The following NCOA6 variants were observed in gnomAD, a reference collection of about 807,000 sequenced individuals.
NCOA6 encodes the protein NRC RAP250.
Under a neutral mutation model 171.4 loss-of-function variants are expected in NCOA6, and 49 were observed. The observed-to-expected ratio is 0.29, with a 90% CI of 0.23 to 0.36. The LOEUF (loss-of-function observed/expected upper bound fraction) is 0.36, where lower values mean the gene tolerates loss of function less well. Among genes scored for constraint, NCOA6 ranks in the 10% least tolerant of loss-of-function variants. The pLI, the probability that NCOA6 is intolerant of heterozygous loss-of-function variation, is 1.00. For synonymous variants in NCOA6, 910 were observed against 927.5 expected (o/e 0.98, Z 0.34); for missense variants, 2,248 against 2,554.5 (o/e 0.88, Z 2.59).
chr20:34,719,600 C>T (rs925541733), intron 14 of NCOA6, among the ~76,000 whole-genome samples: 2 of 150,030 alleles, frequency 1.3e-5, no homozygotes, highest in African/African-American at 4.9e-5. Context: ...CACTGCACTC[C>T]AGCCTGGGCG....
intron 1 of NCOA6, among the ~76,000 whole-genome samples, chr20:34,815,832 T>C (rs931686367): frequency 3.9e-5 from 6 of 152,214 alleles, no homozygotes; most frequent in African/African-American, 9.6e-5. Flanking sequence ...TGTGTTGTCA[T>C]TGACCATCTG....
In NCOA6 at chr20:34,757,406, G is replaced by C; in HGVS notation, c.1342C>G (p.Gln448Glu). ...CTTGGTCCCATCTGCTGCTGAGTTT[G>C]GTTAACCGTTGGGGAGGATGCAGGG... is the stretch of plus-strand genomic sequence containing the variant. ...GSPASSPTVNQTQQQMGPRPP... is the reference protein window; with the variant it reads ...GSPASSPTVNETQQQMGPRPP... The change falls in exon 7 of 15, where the codon CAA (glutamine) becomes GAA (glutamate). Residue 448 changes from glutamine (Q) to glutamate (E), a missense_variant. Gln to Glu is a conservative substitution (Grantham distance 29). Coordinates refer to ENST00000359003, the MANE Select transcript of NCOA6 (RefSeq NM_014071.5). 6.2e-7 allele frequency: 1 copy of C among 1,613,926 alleles called. No individual in the cohort carries two copies. The highest frequency in any genetic ancestry group is 8.5e-7 in the Non-Finnish European group (1 of 1,179,864).
At chr20:34,730,243 T>C (rs933156596) in intron 13 of NCOA6, among the ~76,000 whole-genome samples, 11 of 148,408 alleles carry the variant, frequency 7.4e-5, no homozygotes, top group African/African-American at 7.3e-5. Flanking sequence ...TAATTTTTTA[T>C]TAATTTTTTA....
At chr20:34,791,621 T>C (rs2077888891) in intron 2 of NCOA6, among the ~76,000 whole-genome samples, 1 of 152,206 alleles carries the variant, frequency 6.6e-6, no homozygotes, top group Admixed American at 6.5e-5. Flanking sequence ...CAAAAACTAC[T>C]TCTCAGTAAC....
At chr20:34,721,697 C>A (rs147863718) in intron 14 of NCOA6, among the ~76,000 whole-genome samples, 1 of 152,110 alleles carries the variant, frequency 6.6e-6, no homozygotes, top group Admixed American at 6.6e-5. Flanking sequence ...TCCTGCTGTG[C>A]GGCCCAGTTC....
chr20:34,755,155 G>A (rs570070363), intron 7 of NCOA6, among the ~76,000 whole-genome samples: 3 of 152,262 alleles, frequency 2.0e-5, no homozygotes, highest in South Asian at 2.1e-4. Context: ...CTGAGGCCAC[G>A]CCACAGCAAG....
rs537781608 is a variant in NCOA6, at chr20:34,810,557, T to C, written c.-164+14915A>G. 5.3e-5 allele frequency among the ~76,000 whole-genome samples: 8 copies of C among 152,150 alleles called. No homozygotes were observed. In the East Asian group the frequency reaches 1.5e-3, roughly 29 times the overall value. On this transcript the variant is annotated intron_variant, in intron 1 of 14. Transcript: ENST00000359003. ...CATGCAACCATTTTTTTTCTTTTTT[T>C]TTTTTTGTTTGTTTTTGAGACGGAG... is the stretch of plus-strand genomic sequence containing the variant.
intron 5 of NCOA6, among the ~76,000 whole-genome samples, chr20:34,762,235 C>T (rs888537226): frequency 1.7e-4 from 26 of 152,110 alleles, no homozygotes; most frequent in Admixed American, 5.2e-4. Context: ...TCTGCTTTAT[C>T]TGGTAAAAAT....
rs1397526041 is a variant in NCOA6, at chr20:34,746,933, A to AG, written c.2793-6_2793-5insC. On this transcript the variant is annotated splice_polypyrimidine_tract_variant and splice_region_variant and intron_variant, in intron 9 of 14. Coordinates refer to ENST00000359003, the MANE Select transcript of NCOA6 (RefSeq NM_014071.5). ...GCTGGGCGAGTATCTGGGGTGCTAA[A>AG]AAAAAAAAAAAAAAAAAAAGTGACA... The AG allele has an allele frequency of 2.9e-6, 2 of 687,782 alleles. No individual in the cohort carries two copies. Among genetic ancestry groups the AG allele is most frequent in the African/African-American group, 3.9e-5 (2 of 51,840 alleles). 42.6% of individuals were successfully genotyped at this position (687,782 alleles called of 1,614,324 possible).
intron 12 of NCOA6, among the ~76,000 whole-genome samples, chr20:34,735,705 C>T (rs1042438873): frequency 5.3e-5 from 8 of 151,462 alleles, no homozygotes; most frequent in Non-Finnish European, 8.8e-5. Context: ...GTTTTTTGCT[C>T]GCACACTATT....
In NCOA6 at chr20:34,746,914, C is replaced by A. The variant is rs371905070; in HGVS notation, c.2807G>T (p.Arg936Leu). The A allele has an allele frequency of 4.4e-6, 6 of 1,367,996 alleles. No individual in the cohort carries two copies. Among genetic ancestry groups the A allele is most frequent in the Non-Finnish European group, 5.9e-6 (6 of 1,017,564 alleles). The allele number at this position is 1,367,996 out of a possible 1,614,324, so 84.7% of individuals were successfully genotyped here. The change falls in exon 10 of 15, where the codon CGC becomes CTC. Residue 936 changes from arginine (R) to leucine (L), a missense_variant. Around this residue, in one of 7 missense-constraint regions of NCOA6, gnomAD observed 352 missense variants for 419.1 expected, o/e 0.84. Coordinates refer to ENST00000359003, the MANE Select transcript of NCOA6 (RefSeq NM_014071.5). ...SQQDLNTPDT[R>L]PAGLEEADQP... ...ATCAGCCTCTTCCAGACCAGCTGGGCGAGTATCTGGGGTGCTAAAAAAAAA... is the reference window on the plus strand; with the variant it reads ...ATCAGCCTCTTCCAGACCAGCTGGGAGAGTATCTGGGGTGCTAAAAAAAAA...
intron 1 of NCOA6, chr20:34,819,714 C>T (rs1007382702): frequency 2.2e-4 from 33 of 152,188 alleles, no homozygotes; most frequent in African/African-American, 7.0e-4. Context: ...CAGAAATGAA[C>T]AGTAGTGCTA....
chr20:34,792,989 C>T (rs2077942848), intron 1 of NCOA6, among the ~76,000 whole-genome samples: 1 of 151,756 alleles, frequency 6.6e-6, no homozygotes, highest in Admixed American at 6.6e-5. Context: ...CACCATGTTG[C>T]CCAGGCTAGT....
chr20:34,766,386 G>T (rs1053183859), intron 5 of NCOA6, among the ~76,000 whole-genome samples: 1 of 152,100 alleles, frequency 6.6e-6, no homozygotes, highest in Non-Finnish European at 1.5e-5. Flanking sequence ...GGAGGCTGAG[G>T]TGGGCAGATC....
chr20:34,736,239 A>C (rs1170616176), intron 12 of NCOA6, among the ~76,000 whole-genome samples: 1 of 152,198 alleles, frequency 6.6e-6, no homozygotes, highest in African/African-American at 2.4e-5. Context: ...TCCCTGGAGG[A>C]ATGGCTATCA....
intron 5 of NCOA6, among the ~76,000 whole-genome samples, chr20:34,764,009 A>ATTTT (rs11471838): frequency 2.5e-4 from 27 of 107,238 alleles, no homozygotes; most frequent in Middle Eastern, 5.2e-3. Flanking sequence ...CACCTTTGAC[A>ATTTT]TTTTTTTTTT....
intron 14 of NCOA6, among the ~76,000 whole-genome samples, chr20:34,726,396 T>C (rs1411479438): frequency 2.6e-5 from 4 of 152,042 alleles, no homozygotes; most frequent in Non-Finnish European, 5.9e-5. Flanking sequence ...ACCAGAGGTT[T>C]AAAAAGAATA....
intron 4 of NCOA6, 152 bp from the exon 5 acceptor site, chr20:34,768,738 T>C (rs2295354): frequency 0.35 from 264,642 of 760,256 alleles, 50,580 homozygotes; most frequent in Middle Eastern, 0.42. Flanking sequence ...TGTAGATGGG[T>C]CTTTCTTCAA....
chr20:34,816,441 C>T (rs1016115910), intron 1 of NCOA6, among the ~76,000 whole-genome samples: 14 of 152,076 alleles, frequency 9.2e-5, no homozygotes, highest in South Asian at 2.1e-4. Context: ...ACAGGGAAAA[C>T]GCCATGTGAC....
Sources: allele counts gnomAD v4.1 joint callset (sites outside exome capture counted in the v4.1 genomes callset), GRCh38; gene constraint gnomAD v4.1.1; regional missense constraint gnomAD v4.1.1; transcripts MANE v1.5; gene names NCBI Gene and HGNC (gene_info 2026-07-23, HGNC 2026-07-21).